TXNRD1: variants seen among roughly 807,000 people sequenced by gnomAD.
TXNRD1 encodes the protein thioredoxin reductase 1, also known as thioredoxin reductase 1, cytoplasmic.
A neutral mutation model predicts 80.3 loss-of-function variants in TXNRD1; 57 were observed. The observed-to-expected ratio is 0.71, with a 90% CI of 0.57 to 0.89. TXNRD1 has a LOEUF of 0.89. TXNRD1 is among the 40% of genes least tolerant of loss of function. The probability of loss-of-function intolerance (pLI) is 0.00; values close to 1 mark genes in which losing one functional copy is unlikely to be tolerated. For synonymous variants in TXNRD1, 291 were observed against 285.2 expected (o/e 1.02, Z -0.20); for missense variants, 730 against 803.0 (o/e 0.91, Z 1.10).
At chr12:104,335,200 CTTTTT>C (rs61316589) in intron 15 of TXNRD1, among the ~76,000 whole-genome samples, 16 of 123,848 alleles carry the variant, frequency 1.3e-4, no homozygotes, top group East Asian at 2.4e-4. Flanking sequence ...TATTACAGTC[CTTTTT>C]TTTTTTTTTT....
chr12:104,236,992 G>T (rs2032752090), intron 1 of TXNRD1, among the ~76,000 whole-genome samples: 2 of 151,844 alleles, frequency 1.3e-5, no homozygotes, highest in Non-Finnish European at 2.9e-5. Context: ...TGGTAACATG[G>T]GACTGCTGGA....
At position 104,350,290 on chromosome 12, in the gene TXNRD1, G is replaced by A. The variant is rs923529273; in HGVS notation, c.*1869G>A. 8 of 152,138 alleles carry A rather than the reference G, an allele frequency of 5.3e-5. No homozygotes were observed. The highest frequency in any genetic ancestry group is 1.4e-4 in the African/African-American group (6 of 41,434). 9.4% of individuals were successfully genotyped at this position (152,138 alleles called of 1,614,324 possible). A position where few individuals can be genotyped will look rare whatever the true frequency, so the allele number is the denominator to read the frequency against. On this transcript the variant is annotated 3_prime_UTR_variant, in exon 17 of 17. Transcript: ENST00000525566. ...ATTAAAAGGCATTAATAATATCCAC[G>A]TGTGCCTTCTTACTGAATGATGGTC...
At chr12:104,280,112 C>G (rs928805945) in intron 3 of TXNRD1, among the ~76,000 whole-genome samples, 11 of 150,730 alleles carry the variant, frequency 7.3e-5, no homozygotes, top group Non-Finnish European at 8.8e-5. Flanking sequence ...CTCTTTAGCT[C>G]CTTTCCTATT....
At chr12:104,292,385 G>A (rs1257351280) in intron 4 of TXNRD1, among the ~76,000 whole-genome samples, 2 of 131,778 alleles carry the variant, frequency 1.5e-5, no homozygotes, top group South Asian at 2.6e-4. Flanking sequence ...ATCTACCCCC[G>A]CCCCCCCGCC....
chr12:104,281,515 T>C (rs1215967854), intron 3 of TXNRD1, among the ~76,000 whole-genome samples: 1 of 148,060 alleles, frequency 6.8e-6, no homozygotes, highest in Non-Finnish European at 1.5e-5. Context: ...CACGCCATTC[T>C]CCTGCCTCAG....
chr12:104,278,501 A>ATTT (rs34336501), intron 3 of TXNRD1, among the ~76,000 whole-genome samples: 2,294 of 105,104 alleles, frequency 0.022, 144 homozygotes, highest in African/African-American at 0.076. Flanking sequence ...GCCCAGCCTA[A>ATTT]TTTTTTTTTT....
At chr12:104,245,796 AT>A (rs1043387167) in intron 1 of TXNRD1, among the ~76,000 whole-genome samples, 2 of 151,382 alleles carry the variant, frequency 1.3e-5, no homozygotes, top group African/African-American at 4.9e-5. Flanking sequence ...GGGAGTTTTC[AT>A]TTTTTTTGTA....
In TXNRD1 at chr12:104,265,724, G is replaced by A. The variant is rs2033469774; in HGVS notation, c.304+7645G>A. ...GAGATCGCGGCCAGCAAGTGCCGCC[G>A]GCCGGCTGTCAAGCAGTTCCACGAC... is the stretch of plus-strand genomic sequence containing the variant. On this transcript the variant is annotated intron_variant, in intron 3 of 16. Transcript: ENST00000525566. 1.9e-6 allele frequency: 3 copies of A among 1,599,086 alleles called. No individual in the cohort carries two copies. The South Asian group carries it at 3.3e-5, about 18-fold the overall frequency.
intron 10 of TXNRD1, 141 bp downstream of exon 10, chr12:104,321,457 A>G: frequency 4.6e-6 from 3 of 649,352 alleles, no homozygotes; most frequent in Non-Finnish European, 8.0e-6. Context: ...ATACTGGTAT[A>G]TAAACTTGTA....
In TXNRD1 at chr12:104,313,298, C is replaced by A; in HGVS notation, c.591C>A (p.Thr197=). ...KVMVLDFVTP[T]PLGTRWGLGG... ...TGGTCCTGGACTTTGTCACTCCCAC[C>A]CCTCTTGGAACTAGATGGGGTAAGC... Residue 197 remains threonine, a synonymous_variant, in exon 6 of 17, where the codon ACC becomes ACA. Transcript: ENST00000525566. The A allele has an allele frequency of 6.3e-7, 1 of 1,591,152 alleles. No individual in the cohort carries two copies. The highest frequency in any genetic ancestry group is 1.1e-5 in the South Asian group (1 of 87,384).
intron 4 of TXNRD1, among the ~76,000 whole-genome samples, chr12:104,290,466 C>T (rs1414991650): frequency 7.3e-5 from 11 of 151,612 alleles, no homozygotes; most frequent in African/African-American, 2.4e-4. Context: ...CCGAGGCAGG[C>T]GGATTGCTTT....
intron 1 of TXNRD1, among the ~76,000 whole-genome samples, chr12:104,242,301 G>A (rs2032891099): frequency 6.6e-6 from 1 of 150,922 alleles, no homozygotes; most frequent in African/African-American, 2.4e-5. Context: ...TGTAATCCCA[G>A]CACTTTGGGA....
chr12:104,331,185 TCCAAAA>T (rs2035935474), intron 13 of TXNRD1, among the ~76,000 whole-genome samples: 1 of 152,144 alleles, frequency 6.6e-6, no homozygotes, highest in African/African-American at 2.4e-5. Context: ...TCACTGATAA[TCCAAAA>T]CTATCAGATT....
intron 13 of TXNRD1, among the ~76,000 whole-genome samples, chr12:104,328,074 G>A (rs909499329): frequency 4.6e-5 from 7 of 151,424 alleles, no homozygotes; most frequent in African/African-American, 1.7e-4. Flanking sequence ...CAGGAGAATT[G>A]CTTGAACGGG....
At chr12:104,291,199 T>C in intron 4 of TXNRD1, 1 of 203,486 alleles carries the variant, frequency 4.9e-6, no homozygotes, top group Non-Finnish European at 9.5e-6. Flanking sequence ...TTTGTGTCTT[T>C]TTTTTTTTTT....
At chr12:104,320,942 T>G in intron 9 of TXNRD1, 149 bp from the exon 10 acceptor site, 1 of 643,438 alleles carries the variant, frequency 1.6e-6, no homozygotes, top group Non-Finnish European at 2.7e-6. Flanking sequence ...TTATAAAAAC[T>G]TCTCATGTAT....
At chr12:104,317,365 CTTTT>C (rs68031758) in intron 7 of TXNRD1, among the ~76,000 whole-genome samples, 6 of 116,302 alleles carry the variant, frequency 5.2e-5, no homozygotes, top group African/African-American at 6.5e-5. Context: ...TCTGCAGTTA[CTTTT>C]TTTTTTTTTT....
At chr12:104,267,050 C>T (rs993203380) in intron 3 of TXNRD1, among the ~76,000 whole-genome samples, 2 of 150,090 alleles carry the variant, frequency 1.3e-5, no homozygotes, top group African/African-American at 4.9e-5. Context: ...ACCTGTAGTC[C>T]AGCTACTTGG....
At chr12:104,302,997 A>G (rs369776365) in intron 4 of TXNRD1, among the ~76,000 whole-genome samples, 2 of 152,194 alleles carry the variant, frequency 1.3e-5, no homozygotes, top group East Asian at 1.9e-4. Context: ...TTTAGGGTTC[A>G]GAGTTACTAC....
Sources: allele counts gnomAD v4.1 joint callset (sites outside exome capture counted in the v4.1 genomes callset), GRCh38; gene constraint gnomAD v4.1.1; transcripts MANE v1.5; gene names NCBI Gene and HGNC (gene_info 2026-07-23, HGNC 2026-07-21).